Variants in ZSCAN4 observed in about 807,000 individuals in gnomAD.
The protein encoded by ZSCAN4 is zinc finger and SCAN domain-containing protein 4.
In ZSCAN4, 18 loss-of-function variants were observed where a neutral mutation model predicts 18.3. The observed-to-expected ratio is 0.98, with a 90% confidence interval of 0.68 to 1.46. ZSCAN4 has a LOEUF of 1.46. ZSCAN4 is among the 40% of genes most tolerant of loss of function. The pLI is 0.00. For missense variants in ZSCAN4, 498 were observed against 511.4 expected, an observed-to-expected ratio of 0.97 and a Z score of 0.25; for synonymous variants, 193 against 180.3, an observed-to-expected ratio of 1.07 and a Z score of -0.57.
chr19:57,678,951 A>G (rs1229750707), exon 5 of ZSCAN4: 3 of 1,511,250 alleles, frequency 2.0e-6, no homozygotes, highest in Non-Finnish European at 2.6e-6. Flanking sequence ...AAGTATGTAT[A>G]TTCCTATAGT....
At chr19:57,657,780 C>G in the ZSCAN4 span, among the ~76,000 whole-genome samples, 1 of 152,018 alleles carries the variant, frequency 6.6e-6, no homozygotes, top group Admixed American at 6.6e-5. Flanking sequence ...TGTGTATATC[C>G]TCCCACATAA....
chr19:57,667,677 G>A (rs1297362625), upstream of ZSCAN4, among the ~76,000 whole-genome samples: 2 of 152,118 alleles, frequency 1.3e-5, no homozygotes, highest in African/African-American at 2.4e-5. Flanking sequence ...TCCAACAGCT[G>A]GCTGTATATC....
At chr19:57,671,788 T>A (rs57226748) in intron 2 of ZSCAN4, among the ~76,000 whole-genome samples, 2,384 of 152,322 alleles carry the variant, frequency 0.016, 60 homozygotes, top group Admixed American at 0.06. Context: ...CAGGATCACC[T>A]CTGCCTTATT....
At chr19:57,659,519 C>G in the ZSCAN4 span, among the ~76,000 whole-genome samples, 97 of 152,246 alleles carry the variant, frequency 6.4e-4, 1 homozygote, top group Middle Eastern at 6.8e-3. Flanking sequence ...CTTCTGCCTC[C>G]CAAAGTGCTG....
chr19:57,666,218 C>T (rs1002979659), upstream of ZSCAN4, among the ~76,000 whole-genome samples: 2 of 152,324 alleles, frequency 1.3e-5, no homozygotes, highest in East Asian at 3.9e-4. Context: ...ACTAAACATG[C>T]TAAGCTTCGA....
the ZSCAN4 span, among the ~76,000 whole-genome samples, chr19:57,652,303 G>A: frequency 1.3e-5 from 2 of 152,140 alleles, no homozygotes; most frequent in African/African-American, 2.4e-5. Context: ...GTTGATGGCC[G>A]GAAAACAGGA....
At chr19:57,654,963 G>T in the ZSCAN4 span, among the ~76,000 whole-genome samples, 1 of 152,116 alleles carries the variant, frequency 6.6e-6, no homozygotes, top group African/African-American at 2.4e-5. Flanking sequence ...ACCCTTCTCT[G>T]TAGCCCCTCC....
upstream of ZSCAN4, among the ~76,000 whole-genome samples, chr19:57,664,092 T>C (rs1983788271): frequency 6.6e-6 from 1 of 151,272 alleles, no homozygotes; most frequent in South Asian, 2.1e-4. Flanking sequence ...GATCGTGCCA[T>C]TGCAGTACAG....
At chr19:57,675,197 G>A (rs1474023803) in intron 2 of ZSCAN4, among the ~76,000 whole-genome samples, 1 of 148,004 alleles carries the variant, frequency 6.8e-6, no homozygotes. Context: ...AGCCAGGCTG[G>A]AGTGCAGTGG....
intron 2 of ZSCAN4, among the ~76,000 whole-genome samples, chr19:57,673,727 T>C (rs1236909736): frequency 8.5e-5 from 13 of 152,106 alleles, no homozygotes; most frequent in Admixed American, 8.5e-4. Flanking sequence ...TTTCTAATAC[T>C]TTATTTTCTG....
chr19:57,676,615 G>C (rs908293816), intron 3 of ZSCAN4, 74 bp downstream of exon 3: 2 of 1,500,286 alleles, frequency 1.3e-6, no homozygotes, highest in Non-Finnish European at 1.8e-6. Flanking sequence ...AGTTAGAGTT[G>C]TCTGGAAGTT....
At chr19:57,668,037 G>A (rs931213419), upstream of ZSCAN4, among the ~76,000 whole-genome samples, 2 of 152,040 alleles carry the variant, frequency 1.3e-5, no homozygotes, top group Admixed American at 1.3e-4. Flanking sequence ...GAGTACTTGG[G>A]ATTACAGGTG....
At chr19:57,665,605 C>T (rs1217482444), upstream of ZSCAN4, among the ~76,000 whole-genome samples, 2 of 151,986 alleles carry the variant, frequency 1.3e-5, no homozygotes, top group Admixed American at 1.3e-4. Context: ...GTGTGTTTGA[C>T]CTAAAGTCAC....
chr19:57,675,959 C>T, intron 2 of ZSCAN4, 82 bp from the exon 3 acceptor site: 1 of 559,270 alleles, frequency 1.8e-6, no homozygotes, highest in South Asian at 2.6e-5. Context: ...TCCATAGAGC[C>T]ATGTAGGCCT....
chr19:57,664,369 G>A (rs1017061124), upstream of ZSCAN4: 2 of 152,836 alleles, frequency 1.3e-5, no homozygotes, highest in South Asian at 1.8e-4. Flanking sequence ...GCGGCGCGGG[G>A]CGGCTCTAGG....
At chr19:57,677,466 C>G (rs2122309534) in intron 3 of ZSCAN4, among the ~76,000 whole-genome samples, 1 of 151,850 alleles carries the variant, frequency 6.6e-6, no homozygotes, top group East Asian at 1.9e-4. Flanking sequence ...TAAAGTGACA[C>G]TGAAGTAAAA....
chr19:57,658,387 A>G, the ZSCAN4 span, among the ~76,000 whole-genome samples: 2 of 152,224 alleles, frequency 1.3e-5, no homozygotes, highest in East Asian at 3.9e-4. Context: ...CTTCTCTATC[A>G]GGATTGTGGT....
chr19:57,670,449 T>G (rs955819101), exon 2 of ZSCAN4: 3 of 152,240 alleles, frequency 2.0e-5, no homozygotes, highest in Non-Finnish European at 4.4e-5. Context: ...AATCAATCAC[T>G]GATCCCAGCC....
chr19:57,656,879 T>C, the ZSCAN4 span, among the ~76,000 whole-genome samples: 1 of 151,860 alleles, frequency 6.6e-6, no homozygotes, highest in East Asian at 1.9e-4. Flanking sequence ...CCCAGCTACT[T>C]GGGAGGCTGA....
Sources: allele counts gnomAD v4.1 joint callset (sites outside exome capture counted in the v4.1 genomes callset), GRCh38; gene constraint gnomAD v4.1.1; transcripts MANE v1.5; gene names NCBI Gene and HGNC (gene_info 2026-07-23, HGNC 2026-07-21).